Variants in SASH1 observed in about 807,000 individuals in gnomAD.
SASH1 encodes SAM and SH3 domain containing 1.
A neutral mutation model predicts 125.2 loss-of-function variants in SASH1; 44 were observed. The ratio of observed to expected loss-of-function variants is 0.35; its 90% CI spans 0.28 to 0.45. SASH1 has a LOEUF of 0.45. Among genes scored for constraint, SASH1 ranks in the 20% least tolerant of loss-of-function variants. SASH1 has a pLI of 1.00. For missense variants in SASH1, 1,426 were observed against 1,614.5 expected (o/e 0.88, Z 2.00); for synonymous variants, 639 against 649.1 (o/e 0.98, Z 0.24).
At chr6:148,423,009 G>A (rs1775639878) in intron 2 of SASH1, among the ~76,000 whole-genome samples, 1 of 152,166 alleles carries the variant, frequency 6.6e-6, no homozygotes, top group Admixed American at 6.5e-5. Context: ...CGTGATCTCG[G>A]CTTACTGCAA....
chr6:148,325,683 C>T (rs141211470), intron 1 of SASH1, among the ~76,000 whole-genome samples: 1 of 152,092 alleles, frequency 6.6e-6, no homozygotes, highest in Non-Finnish European at 1.5e-5. Flanking sequence ...GTCCCTCACA[C>T]GACACGTGGG....
At chr6:148,286,747 A>T (rs1779492899) in intron 1 of SASH1, among the ~76,000 whole-genome samples, 1 of 151,722 alleles carries the variant, frequency 6.6e-6, no homozygotes, top group Non-Finnish European at 1.5e-5. Flanking sequence ...CTCTTTTAAA[A>T]CTCTGTCTCC....
chr6:148,530,910 T>C (rs903181439), intron 12 of SASH1, among the ~76,000 whole-genome samples: 2 of 152,234 alleles, frequency 1.3e-5, no homozygotes, highest in African/African-American at 4.8e-5. Context: ...GACAACACTT[T>C]AGAAAAGTGA....
upstream of SASH1, among the ~76,000 whole-genome samples, chr6:148,342,373 TAA>T (rs1781353176): frequency 6.6e-6 from 1 of 152,162 alleles, no homozygotes; most frequent in Admixed American, 6.5e-5. Flanking sequence ...GCTTAAAGAT[TAA>T]CTTTCTCGGG....
At chr6:148,414,084 T>C (rs1264924531) in intron 2 of SASH1, among the ~76,000 whole-genome samples, 1 of 152,116 alleles carries the variant, frequency 6.6e-6, no homozygotes, top group Non-Finnish European at 1.5e-5. Flanking sequence ...AGTTGTCCTA[T>C]AAAATTTGTG....
intron 2 of SASH1, among the ~76,000 whole-genome samples, chr6:148,437,352 G>A (rs971352280): frequency 6.6e-6 from 1 of 151,908 alleles, no homozygotes; most frequent in African/African-American, 2.4e-5. Flanking sequence ...TATCCTCGGG[G>A]GATAAAATTA....
chr6:148,276,070 G>C (rs1379586886), intron 1 of SASH1, among the ~76,000 whole-genome samples: 1 of 152,186 alleles, frequency 6.6e-6, no homozygotes, highest in Non-Finnish European at 1.5e-5. Flanking sequence ...GGAAGAGACT[G>C]GAGCTTAGAG....
chr6:148,240,767 G>A, the SASH1 span, among the ~76,000 whole-genome samples: 6 of 152,098 alleles, frequency 3.9e-5, no homozygotes, highest in African/African-American at 7.2e-5. Context: ...TTAAATTCCC[G>A]TTTGGCATTA....
intron 1 of SASH1, among the ~76,000 whole-genome samples, chr6:148,309,246 G>T (rs752794799): frequency 1.3e-5 from 2 of 152,182 alleles, no homozygotes; most frequent in Non-Finnish European, 2.9e-5. Context: ...TAAAGACAAC[G>T]TCTTTTCAAA....
intron 8 of SASH1, among the ~76,000 whole-genome samples, chr6:148,507,284 T>A (rs1468818449): frequency 6.6e-6 from 1 of 152,124 alleles, no homozygotes; most frequent in East Asian, 1.9e-4. Context: ...GCTCTGGTGA[T>A]CTGATGCAGA....
intron 1 of SASH1, among the ~76,000 whole-genome samples, chr6:148,383,487 T>C (rs995487410): frequency 1.4e-4 from 22 of 152,150 alleles, no homozygotes; most frequent in Non-Finnish European, 2.6e-4. Flanking sequence ...CTCTCAACTT[T>C]GGGGAGTTAG....
the SASH1 span, among the ~76,000 whole-genome samples, chr6:148,208,670 G>C: frequency 6.6e-6 from 1 of 152,078 alleles, no homozygotes; most frequent in Non-Finnish European, 1.5e-5. Context: ...GCTTTTTCTT[G>C]TTTTGTGAAT....
chr6:148,212,177 C>T, the SASH1 span, among the ~76,000 whole-genome samples: 1 of 152,136 alleles, frequency 6.6e-6, no homozygotes, highest in Non-Finnish European at 1.5e-5. Context: ...TTTAGGAGAA[C>T]CGGGAGAAGA....
chr6:148,305,966 G>GC (rs1780119034), intron 1 of SASH1, among the ~76,000 whole-genome samples: 1 of 152,136 alleles, frequency 6.6e-6, no homozygotes, highest in African/African-American at 2.4e-5. Flanking sequence ...GAGGTGATGA[G>GC]CCCCATTTAT....
chr6:148,317,720 C>T (rs974436688), intron 1 of SASH1, among the ~76,000 whole-genome samples: 3 of 152,202 alleles, frequency 2.0e-5, no homozygotes, highest in African/African-American at 4.8e-5. Context: ...CCACGGCGCC[C>T]GGCCAAGGAA....
chr6:148,309,982 A>C (rs922009155), intron 1 of SASH1, among the ~76,000 whole-genome samples: 1 of 152,198 alleles, frequency 6.6e-6, no homozygotes, highest in African/African-American at 2.4e-5. Context: ...AATCCAGTAG[A>C]AAATTAAAAA....
At position 148,424,245 on chromosome 6, in the gene SASH1, G is replaced by GT. The variant is rs199751479; in HGVS notation, c.286-15939_286-15938insT. 2.1e-5 allele frequency among the ~76,000 whole-genome samples: 3 copies of GT among 140,652 alleles called. No homozygotes were observed. In the East Asian group the frequency reaches 6.1e-4, roughly 29 times the overall value. 92.3% of individuals were successfully genotyped at this position (140,652 alleles called of 152,430 possible). On this transcript the variant is annotated intron_variant, in intron 2 of 19. Transcript: ENST00000367467. ...CTTGTTCTTCTTCTTTTTTTTTTTT[G>GT]GGGGGGGGAGGTGGGACAGGGTCTC...
intron 8 of SASH1, among the ~76,000 whole-genome samples, chr6:148,502,041 A>T (rs1331631201): frequency 6.6e-6 from 1 of 152,250 alleles, no homozygotes; most frequent in Non-Finnish European, 1.5e-5. Flanking sequence ...CCCCAAAGGA[A>T]TGGTAATATT....
intron 1 of SASH1, among the ~76,000 whole-genome samples, chr6:148,334,978 A>C (rs1781110346): frequency 6.7e-6 from 1 of 149,432 alleles, no homozygotes; most frequent in African/African-American, 2.5e-5. Flanking sequence ...CATCTCAAAA[A>C]AAAAAAAAAA....
Sources: allele counts gnomAD v4.1 joint callset (sites outside exome capture counted in the v4.1 genomes callset), GRCh38; gene constraint gnomAD v4.1.1; transcripts MANE v1.5; gene names NCBI Gene and HGNC (gene_info 2026-07-23, HGNC 2026-07-21).